Variants in EIF4A2 observed in about 807,000 individuals in gnomAD.
EIF4A2 encodes the protein eukaryotic translation initiation factor 4A2.
A neutral mutation model predicts 50.6 loss-of-function variants in EIF4A2; 9 were observed. The ratio of observed to expected loss-of-function variants is 0.18; its 90% confidence interval spans 0.11 to 0.31. The LOEUF (loss-of-function observed/expected upper bound fraction) is 0.31, where lower values mean the gene tolerates loss of function less well. Ranked by LOEUF, EIF4A2 falls within the 10% of genes least tolerant of loss-of-function variation. The pLI is 1.00. For missense variants in EIF4A2, 182 were observed against 501.8 expected (o/e 0.36, Z 6.09); for synonymous variants, 215 against 164.4 (o/e 1.31, Z -2.35).
Position 186,789,416 on chromosome 3 carries a change from C to CTAACGTCGCTTT in EIF4A2, c.*147_*148insTAACGTCGCTTT. 1 of 1,191,164 alleles carries CTAACGTCGCTTT rather than the reference C, an allele frequency of 8.4e-7. No individual in the cohort carries two copies. The highest frequency in any genetic ancestry group is 1.1e-6 in the Non-Finnish European group (1 of 881,070). The allele number at this position is 1,191,164 out of a possible 1,614,324, so 73.8% of individuals were successfully genotyped here. A position where few individuals can be genotyped will look rare whatever the true frequency, so the allele number is the denominator to read the frequency against. On this transcript the variant is annotated 3_prime_UTR_variant, in exon 11 of 11. Transcript: ENST00000323963. ...AATACAGATTTTGATAGCAAAGCGACGTTAGTCGTGAGCTCTTGTGAGGAA... is the reference window on the plus strand; with the variant it reads ...AATACAGATTTTGATAGCAAAGCGACTAACGTCGCTTTGTTAGTCGTGAGCTCTTGTGAGGAA...
intron 1 of EIF4A2, chr3:186,784,207 G>A: frequency 1.6e-6 from 1 of 618,248 alleles, no homozygotes; most frequent in Non-Finnish European, 2.8e-6. Context: ...CTCCGCAGTT[G>A]AAACGGGATC....
rs751074159 is a variant in EIF4A2, at chr3:186,786,489, T to A, written c.628-13T>A. 14 of 1,609,958 alleles carry A rather than the reference T, an allele frequency of 8.7e-6. No homozygotes were observed. Among genetic ancestry groups the A allele is most frequent in the Non-Finnish European group, 1.1e-5 (13 of 1,178,894 alleles). ...GTGTAAGTTGTGCTACAACATAATT[T>A]TCTCTTTTTAAGGTTGTGTTGCTTT... On this transcript the variant is annotated splice_polypyrimidine_tract_variant and intron_variant, in intron 6 of 10. Coordinates refer to ENST00000323963, the MANE Select transcript of EIF4A2 (RefSeq NM_001967.4).
chr3:186,785,867 A>G lies in EIF4A2; in HGVS notation c.349-16A>G, dbSNP rs1473588548. 6.3e-7 allele frequency: 1 copy of G among 1,581,488 alleles called. No individual in the cohort carries two copies. Among genetic ancestry groups the G allele is most frequent in the Non-Finnish European group, 8.6e-7 (1 of 1,156,788 alleles). The stretch of plus-strand genomic sequence containing the variant: ...CCTGGAGTTCTGCGGAATAATAATT[A>G]AGGCTTGGGTTTTAGATCCAAAAGG... On this transcript the variant is annotated splice_polypyrimidine_tract_variant and intron_variant, in intron 4 of 10. Transcript: ENST00000323963.
chr3:186,788,259 T>G, intron 10 of EIF4A2: 1 of 1,280,554 alleles, frequency 7.8e-7, no homozygotes, highest in Non-Finnish European at 1.0e-6. Context: ...CTAAATAAAT[T>G]GAATTGTACT....
intron 4 of EIF4A2, 71 bp downstream of exon 4, chr3:186,785,172 T>TTA: frequency 3.8e-6 from 6 of 1,585,960 alleles, no homozygotes; most frequent in Non-Finnish European, 5.1e-6. Flanking sequence ...CTGTGAAGAA[T>TTA]TTAAAACTTA....
Position 186,789,622 on chromosome 3 carries a change from A to T in EIF4A2, c.*353A>T, listed in dbSNP as rs2108464487. 1.2e-5 allele frequency: 4 copies of T among 333,172 alleles called. No individual in the cohort carries two copies. Among genetic ancestry groups the T allele is most frequent in the Non-Finnish European group, 5.5e-6 (1 of 182,582 alleles). The allele number at this position is 333,172 out of a possible 1,614,324, so 20.6% of individuals were successfully genotyped here. On this transcript the variant is annotated 3_prime_UTR_variant, in exon 11 of 11. Coordinates refer to ENST00000323963, the MANE Select transcript of EIF4A2 (RefSeq NM_001967.4). ...AAAGATATAAGTGCTGTATAAAATC[A>T]GCCAATTATGTTAAACTAGCATATC...
At position 186,786,495 on chromosome 3, in the gene EIF4A2, T is replaced by C. The variant is rs376723460; in HGVS notation, c.628-7T>C. On this transcript the variant is annotated splice_polypyrimidine_tract_variant and splice_region_variant and intron_variant, in intron 6 of 10. Transcript: ENST00000323963. ...GTTGTGCTACAACATAATTTTCTCT[T>C]TTTAAGGTTGTGTTGCTTTCTGCCA... The C allele has an allele frequency of 9.3e-6, 15 of 1,610,992 alleles. No individual in the cohort carries two copies. Among genetic ancestry groups the C allele is most frequent in the South Asian group, 1.1e-5 (1 of 90,712 alleles).
chr3:186,788,214 G>T, intron 10 of EIF4A2: 1 of 1,088,124 alleles, frequency 9.2e-7, no homozygotes, highest in Non-Finnish European at 1.2e-6. Flanking sequence ...GTAGCAATTT[G>T]AGTGAACCCT....
At chr3:186,787,941 T>C in intron 10 of EIF4A2, 59 bp downstream of exon 10, 1 of 1,551,008 alleles carries the variant, frequency 6.4e-7, no homozygotes. Context: ...CTACTGTGAT[T>C]TGTATGAAAG....
At chr3:186,787,402 T>C (rs890182803) in intron 8 of EIF4A2, 93 bp from the exon 9 acceptor site, 1 of 1,607,080 alleles carries the variant, frequency 6.2e-7, no homozygotes, top group Non-Finnish European at 8.5e-7. Flanking sequence ...TATTCTCCTG[T>C]AGCAGCCAGG....
At chr3:186,788,013 T>C in intron 10 of EIF4A2, 131 bp downstream of exon 10, 1 of 1,010,592 alleles carries the variant, frequency 9.9e-7, no homozygotes, top group Non-Finnish European at 1.4e-6. Context: ...ATGATGTAAT[T>C]AAATTTGTAC....
At position 186,783,639 on chromosome 3, in the gene EIF4A2, G is replaced by A; in HGVS notation, c.29G>A (p.Arg10Lys). ...TCTGGTGGCTCCGCGGATTATAACA[G>A]GTATGCAGTCTGTTGGCGGTCGCGG... MSGGSADYN[R>K]EHGGPEGMDP... Residue 10 changes from arginine (R) to lysine (K), a missense_variant and splice_region_variant, in exon 1 of 11, where the codon AGA becomes AAA. Around this residue, in one of 7 missense-constraint regions of EIF4A2, gnomAD observed 43 missense variants for 22.2 expected, o/e 1.93. Transcript: ENST00000323963. 5.6e-6 allele frequency: 9 copies of A among 1,614,180 alleles called. No individual in the cohort carries two copies. Among genetic ancestry groups the A allele is most frequent in the Non-Finnish European group, 6.8e-6 (8 of 1,180,036 alleles).
intron 10 of EIF4A2, 68 bp downstream of exon 10, chr3:186,787,950 A>C (rs1721845497): frequency 2.0e-6 from 3 of 1,492,410 alleles, no homozygotes; most frequent in Non-Finnish European, 2.8e-6. Flanking sequence ...TTTGTATGAA[A>C]GGTAACATCA....
chr3:186,786,946 T>G lies in EIF4A2; in HGVS notation c.772-181T>G, dbSNP rs1721761765. The G allele has an allele frequency of 4.0e-6, 4 of 1,000,724 alleles. No individual in the cohort carries two copies. In the Admixed American group the frequency reaches 6.5e-5, roughly 16 times the overall value. The allele number at this position is 1,000,724 out of a possible 1,614,324, so 62.0% of individuals were successfully genotyped here. A position where few individuals can be genotyped will look rare whatever the true frequency, so the allele number is the denominator to read the frequency against. On this transcript the variant is annotated intron_variant, in intron 7 of 10. Transcript: ENST00000323963. ...CTAAGACTGGCCAATTTTGGTATTT[T>G]GGGTAGAGACAGTTTCACTTTCTTG...
At chr3:186,786,479 C>T in intron 6 of EIF4A2, 23 bp from the exon 7 acceptor site, 3 of 1,609,192 alleles carry the variant, frequency 1.9e-6, no homozygotes, top group Non-Finnish European at 2.5e-6. Flanking sequence ...AGTTGTGCTA[C>T]AACATAATTT....
intron 7 of EIF4A2, 171 bp from the exon 8 acceptor site, chr3:186,786,954 GAC>G (rs1298528034): frequency 7.6e-6 from 8 of 1,049,358 alleles, no homozygotes; most frequent in Non-Finnish European, 1.1e-5. Flanking sequence ...TTTGGGTAGA[GAC>G]AGTTTCACTT....
In EIF4A2 at chr3:186,787,233, T is replaced by C; in HGVS notation, c.878T>C (p.Met293Thr). ...AAGGTGGACTGGCTGACTGAGAAGA[T>C]GCATGCCAGAGACTTCACAGTTTCT... ...RRKVDWLTEK[M>T]HARDFTVSAL... Residue 293 changes from methionine (M) to threonine (T), a missense_variant, in exon 8 of 11, where the codon ATG becomes ACG. Met to Thr is a moderately conservative substitution (Grantham distance 81, BLOSUM62 -1). Transcript: ENST00000323963. The C allele has an allele frequency of 6.2e-7, 1 of 1,614,142 alleles. No homozygotes were observed. Among genetic ancestry groups the C allele is most frequent in the Non-Finnish European group, 8.5e-7 (1 of 1,180,004 alleles).
Position 186,783,823 on chromosome 3 carries a change from T to G in EIF4A2, c.29+184T>G, listed in dbSNP as rs377391825. On this transcript the variant is annotated intron_variant, in intron 1 of 10. Coordinates refer to ENST00000323963, the MANE Select transcript of EIF4A2 (RefSeq NM_001967.4). ...CCCGGATTGTGGGGAGATAGGACGGTGGTGCGAAAGCAGTGGCTAAAGGGC... is the reference window on the plus strand; with the variant it reads ...CCCGGATTGTGGGGAGATAGGACGGGGGTGCGAAAGCAGTGGCTAAAGGGC... The G allele has an allele frequency of 7.2e-5, 68 of 944,996 alleles. No individual in the cohort carries two copies. The Middle Eastern group carries it at 8.9e-4, about 12-fold the overall frequency. The allele number at this position is 944,996 out of a possible 1,614,324, so 58.5% of individuals were successfully genotyped here. A position where few individuals can be genotyped will look rare whatever the true frequency, so the allele number is the denominator to read the frequency against.
rs1290949904 is a variant in EIF4A2, at chr3:186,784,418, ATTC to A, written c.30-11_30-9del. ...CCTGGAAGGGGTGTCTGACTGCAGT[ATTC>A]TTGTCAGCAGAGAACATGGCGGCCC... On this transcript the variant is annotated splice_polypyrimidine_tract_variant and intron_variant, in intron 1 of 10. Coordinates refer to ENST00000323963, the MANE Select transcript of EIF4A2 (RefSeq NM_001967.4). 1.2e-6 allele frequency: 2 copies of A among 1,614,234 alleles called. No homozygotes were observed. Among genetic ancestry groups the A allele is most frequent in the African/African-American group, 1.3e-5 (1 of 75,068 alleles).
Sources: gnomAD v4.1 joint callset for allele counts on GRCh38, gnomAD v4.1.1 for gene constraint, gnomAD v4.1.1 regional missense constraint, MANE v1.5 for transcripts, NCBI Gene and HGNC (gene_info 2026-07-23, HGNC 2026-07-21) for gene names.